Variants in ZNF350 observed in about 807,000 individuals in gnomAD.
ZNF350 encodes the protein KRAB zinc finger protein ZFQR.
A neutral mutation model predicts 13.1 loss-of-function variants in ZNF350; 5 were observed. The ratio of observed to expected loss-of-function variants is 0.38; its 90% confidence interval spans 0.20 to 0.80. The LOEUF (loss-of-function observed/expected upper bound fraction) is 0.80. Ranked by LOEUF, ZNF350 falls within the 30% of genes least tolerant of loss-of-function variation. The probability of loss-of-function intolerance (pLI) is 0.43; values close to 1 mark genes in which losing one functional copy is unlikely to be tolerated. For missense variants in ZNF350, 534 were observed against 644.2 expected (o/e 0.83, Z 1.85); for synonymous variants, 199 against 224.2 (o/e 0.89, Z 1.00).
Position 51,964,764 on chromosome 19 carries a change from A to AT in ZNF350, c.*89dup. The AT allele has an allele frequency of 7.0e-7, 1 of 1,430,312 alleles. No homozygotes were observed. The highest frequency in any genetic ancestry group is 1.4e-5 in the African/African-American group (1 of 70,272). 88.6% of individuals were successfully genotyped at this position (1,430,312 alleles called of 1,614,324 possible). ...GAGTTTATCAGGCTATCTCAGCCTT[A>AT]TACATGTTCTCTCAGTGTATGCTTT... On this transcript the variant is annotated 3_prime_UTR_variant, in exon 5 of 5. Coordinates refer to ENST00000243644, the MANE Select transcript of ZNF350 (RefSeq NM_021632.4).
chr19:51,973,027 A>C (rs2085786823), intron 2 of ZNF350: 1 of 150,062 alleles, frequency 6.7e-6, no homozygotes, highest in Non-Finnish European at 1.5e-5. Flanking sequence ...GCTCACTGCA[A>C]TTTCCGTCTC....
intron 1 of ZNF350, among the ~76,000 whole-genome samples, chr19:51,983,028 A>G (rs1474818569): frequency 2.0e-5 from 3 of 152,234 alleles, no homozygotes; most frequent in African/African-American, 4.8e-5. Flanking sequence ...AAGAAACTCC[A>G]TTTTAATCTG....
At chr19:51,986,649 G>C (rs1668374088) in intron 1 of ZNF350, 121 bp downstream of exon 1, 1 of 152,364 alleles carries the variant, frequency 6.6e-6, no homozygotes, top group South Asian at 2.1e-4. Context: ...GCGCTCCCCA[G>C]TCTTCCTGCC....
In ZNF350 at chr19:51,965,554, A is replaced by T; in HGVS notation, c.899T>A (p.Ile300Asn). The change falls in exon 5 of 5, where the codon ATC becomes AAC. Residue 300 changes from isoleucine to asparagine, a missense_variant. Coordinates refer to ENST00000243644, the MANE Select transcript of ZNF350 (RefSeq NM_021632.4). ...GTGTACAATGAGATTTCCTTTCTGG[A>T]TGAAGCCTTTTCCACATTCACTGCA... ...YICSECGKGF[I>N]QKGNLIVHQR... is the part of the protein sequence containing the mutation. The T allele has an allele frequency of 6.2e-7, 1 of 1,614,128 alleles. No homozygotes were observed. The highest frequency in any genetic ancestry group is 8.5e-7 in the Non-Finnish European group (1 of 1,180,008).
At chr19:51,979,258 G>A (rs7251478) in intron 1 of ZNF350, among the ~76,000 whole-genome samples, 25,048 of 152,022 alleles carry the variant, frequency 0.16, 2,726 homozygotes, top group African/African-American at 0.31. Flanking sequence ...TAGCCATAAT[G>A]TCCTGTGCAC....
Position 51,969,078 on chromosome 19 carries a change from T to G in ZNF350, c.69A>C (p.Gln23His). The change falls in exon 3 of 5, where the codon CAA (glutamine) becomes CAC (histidine). Residue 23 changes from glutamine to histidine, a missense_variant. Coordinates refer to ENST00000243644, the MANE Select transcript of ZNF350 (RefSeq NM_021632.4). ...GGTCCTTCTGAGCAGCGCCCAGGAG[T>G]TGCCACTCCTCCCAAGTGAAGTCCA... ...VAVDFTWEEW[Q>H]LLGAAQKDLY... 6.2e-7 allele frequency: 1 copy of G among 1,614,070 alleles called. No individual in the cohort carries two copies. The highest frequency in any genetic ancestry group is 8.5e-7 in the Non-Finnish European group (1 of 1,179,968).
At position 51,965,446 on chromosome 19, in the gene ZNF350, T is replaced by C. The variant is rs762130494; in HGVS notation, c.1007A>G (p.His336Arg). ...CGTCTTTCCTGTGTGAAATCTCTGA[T>C]GTGCTATGAGACACGTCTTCTGAAT... ...GFIQKTCLIA[H>R]QRFHTGKTPF... is the part of the protein sequence containing the mutation. Residue 336 changes from histidine to arginine, a missense_variant, in exon 5 of 5, where the codon CAT becomes CGT. Physicochemically the swap from His to Arg is conservative, Grantham distance 29. Coordinates refer to ENST00000243644, the MANE Select transcript of ZNF350 (RefSeq NM_021632.4). 11 of 1,614,220 alleles carry C rather than the reference T, an allele frequency of 6.8e-6. No individual in the cohort carries two copies. Among genetic ancestry groups the C allele is most frequent in the Non-Finnish European group, 8.5e-6 (10 of 1,180,042 alleles).
intron 2 of ZNF350, among the ~76,000 whole-genome samples, chr19:51,969,684 C>T (rs879807978): frequency 6.6e-6 from 1 of 152,048 alleles, no homozygotes; most frequent in African/African-American, 2.4e-5. Context: ...AAAAAATTAG[C>T]TAGGCACAGT....
chr19:51,964,529 A>G lies in ZNF350; in HGVS notation c.*325T>C, dbSNP rs1213747843. ...TTACAGTATTAGCCCTTTCCCACCA[A>G]CTGCCCCTTATGAAGCTTTTCAGTC... On this transcript the variant is annotated 3_prime_UTR_variant, in exon 5 of 5. Transcript: ENST00000243644. The G allele has an allele frequency of 8.8e-6, 3 of 340,604 alleles. No individual in the cohort carries two copies. The highest frequency in any genetic ancestry group is 4.5e-5 in the Admixed American group (1 of 22,232). The allele number at this position is 340,604 out of a possible 1,614,324, so 21.1% of individuals were successfully genotyped here. A position where few individuals can be genotyped will look rare whatever the true frequency, so the allele number is the denominator to read the frequency against.
intron 1 of ZNF350, among the ~76,000 whole-genome samples, chr19:51,980,422 T>G (rs1054453914): frequency 2.0e-5 from 3 of 152,222 alleles, no homozygotes; most frequent in Non-Finnish European, 4.4e-5. Context: ...TGTTGTGATA[T>G]CTTCTGTAAC....
chr19:51,972,830 C>G (rs2014187), intron 2 of ZNF350: 1 of 151,704 alleles, frequency 6.6e-6, no homozygotes, highest in Non-Finnish European at 1.5e-5. Context: ...TTCAATTTTA[C>G]TAAATATAGA....
chr19:51,968,939 A>G (rs1002790943), intron 3 of ZNF350, 66 bp downstream of exon 3: 92 of 1,613,484 alleles, frequency 5.7e-5, no homozygotes, highest in Non-Finnish European at 7.7e-5. Flanking sequence ...CCAAAGAGGT[A>G]GGCATCTGAG....
chr19:51,968,500 C>G, intron 4 of ZNF350, 78 bp downstream of exon 4: 6 of 1,255,220 alleles, frequency 4.8e-6, no homozygotes, highest in Non-Finnish European at 7.0e-6. Context: ...ATCCTCAAAC[C>G]CCCTTCACAG....
Position 51,974,457 on chromosome 19 carries a change from C to A in ZNF350, c.-97G>T. On this transcript the variant is annotated 5_prime_UTR_variant, in exon 2 of 5. Coordinates refer to ENST00000243644, the MANE Select transcript of ZNF350 (RefSeq NM_021632.4). Reference sequence around the variant, plus strand: ...AAGTCTCAGTTTTCAATCAAGTGTGCCCCAAGAAATGGTGAACCCCAAATC... The same window carrying A: ...AAGTCTCAGTTTTCAATCAAGTGTGACCCAAGAAATGGTGAACCCCAAATC... 1 of 1,462,192 alleles carries A rather than the reference C, an allele frequency of 6.8e-7. No individual in the cohort carries two copies. Among genetic ancestry groups the A allele is most frequent in the South Asian group, 1.2e-5 (1 of 83,906 alleles). The allele number at this position is 1,462,192 out of a possible 1,614,324, so 90.6% of individuals were successfully genotyped here. A position where few individuals can be genotyped will look rare whatever the true frequency, so the allele number is the denominator to read the frequency against.
In ZNF350 at chr19:51,965,010, G is replaced by C; in HGVS notation, c.1443C>G (p.Asn481Lys). ...TSLNISGLLA[N>K]RNVVLVGQPV... is the part of the protein sequence containing the mutation. ...GCTGTCCCACAAGGACTACGTTCCT[G>C]TTTGCGAGGAGGCCGCTGATGTTTA... The change falls in exon 5 of 5, where the codon AAC becomes AAG. Residue 481 changes from asparagine to lysine, a missense_variant. Physicochemically the swap from Asn to Lys is moderately conservative, Grantham distance 94. Coordinates refer to ENST00000243644, the MANE Select transcript of ZNF350 (RefSeq NM_021632.4). 1 of 1,614,210 alleles carries C rather than the reference G, an allele frequency of 6.2e-7. No homozygotes were observed. Among genetic ancestry groups the C allele is most frequent in the South Asian group, 1.1e-5 (1 of 91,088 alleles).
Position 51,965,914 on chromosome 19 carries a change from G to T in ZNF350, c.539C>A (p.Ala180Glu). The T allele has an allele frequency of 6.2e-7, 1 of 1,614,034 alleles. No individual in the cohort carries two copies. Among genetic ancestry groups the T allele is most frequent in the Non-Finnish European group, 8.5e-7 (1 of 1,180,024 alleles). Residue 180 changes from alanine (A) to glutamate (E), a missense_variant, in exon 5 of 5, where the codon GCA (alanine) becomes GAA (glutamate). Ala to Glu is a moderately radical substitution (Grantham distance 107). Transcript: ENST00000243644. ...ERLHTAIKFP[A>E]SQKLISTKSQ... The stretch of plus-strand genomic sequence containing the variant: ...CTTAGTGCTGATGAGTTTTTGACTT[G>T]CAGGGAATTTAATTGCAGTATGAAG...
chr19:51,964,792 G>A lies in ZNF350; in HGVS notation c.*62C>T, dbSNP rs773819338. On this transcript the variant is annotated 3_prime_UTR_variant, in exon 5 of 5. Transcript: ENST00000243644. ...CATGTTCTCTCAGTGTATGCTTTTC[G>A]GCCACATAATGAACTACAAATTTTT... is the stretch of plus-strand genomic sequence containing the variant. 48 of 1,529,472 alleles carry A rather than the reference G, an allele frequency of 3.1e-5. No homozygotes were observed. Among genetic ancestry groups the A allele is most frequent in the Admixed American group, 5.7e-5 (3 of 52,374 alleles). 94.7% of individuals were successfully genotyped at this position (1,529,472 alleles called of 1,614,324 possible).
intron 1 of ZNF350, among the ~76,000 whole-genome samples, chr19:51,982,877 G>C (rs1384945571): frequency 6.6e-6 from 1 of 152,182 alleles, no homozygotes; most frequent in Non-Finnish European, 1.5e-5. Context: ...CAGGGAAGTA[G>C]ATAAAAGCTG....
intron 2 of ZNF350, chr19:51,973,703 A>G (rs1198877525): frequency 6.6e-6 from 1 of 152,266 alleles, no homozygotes; most frequent in African/African-American, 2.4e-5. Context: ...ATTGAGAACC[A>G]TTTGAAAGTC....
Sources: gnomAD v4.1 joint callset for allele counts (sites outside exome capture counted in the v4.1 genomes callset) on GRCh38, gnomAD v4.1.1 for gene constraint, MANE v1.5 for transcripts, NCBI Gene and HGNC (gene_info 2026-07-23, HGNC 2026-07-21) for gene names.